Variants in PALS2 observed in about 807,000 individuals in gnomAD.
PALS2 encodes the protein protein associated with LIN7 2, MAGUK p55 family member.
PALS2 carries 27 observed loss-of-function variants against 61.6 expected under a neutral mutation model. That is an observed-to-expected ratio of 0.44 (90% CI 0.32 to 0.60). The LOEUF is 0.60. Among genes scored for constraint, PALS2 ranks in the 20% least tolerant of loss-of-function variants. The pLI, the probability that PALS2 is intolerant of heterozygous loss-of-function variation, is 0.05. For synonymous variants in PALS2, 236 were observed against 218.6 expected, an observed-to-expected ratio of 1.08 and a Z score of -0.70; for missense variants, 554 against 639.4, an observed-to-expected ratio of 0.87 and a Z score of 1.44.
At chr7:24,677,542 T>C (rs972670997) in intron 9 of PALS2, among the ~76,000 whole-genome samples, 3 of 152,096 alleles carry the variant, frequency 2.0e-5, no homozygotes, top group Non-Finnish European at 4.4e-5. Context: ...TTGAGATACG[T>C]CCCATCAATA....
intron 1 of PALS2, among the ~76,000 whole-genome samples, chr7:24,601,573 T>C (rs1783720919): frequency 6.6e-6 from 1 of 152,160 alleles, no homozygotes. Flanking sequence ...ATTCTCTGTC[T>C]CCCTCTTTAT....
chr7:24,577,858 A>G (rs1164878965), intron 1 of PALS2, among the ~76,000 whole-genome samples: 1 of 152,172 alleles, frequency 6.6e-6, no homozygotes, highest in Non-Finnish European at 1.5e-5. Flanking sequence ...ATTTATCAGT[A>G]TCTGAAATTA....
intron 1 of PALS2, among the ~76,000 whole-genome samples, chr7:24,583,348 A>G (rs1341324091): frequency 6.6e-6 from 1 of 152,194 alleles, no homozygotes; most frequent in Non-Finnish European, 1.5e-5. Flanking sequence ...TCACCAACCA[A>G]TCCTTAGCAT....
chr7:24,640,812 T>C (rs967568419), intron 2 of PALS2, among the ~76,000 whole-genome samples: 1 of 151,798 alleles, frequency 6.6e-6, no homozygotes, highest in Non-Finnish European at 1.5e-5. Context: ...ATCAAGACCA[T>C]CCTGGCTAAC....
chr7:24,665,529 A>G, intron 6 of PALS2, 59 bp from the exon 7 acceptor site: 2 of 1,490,878 alleles, frequency 1.3e-6, no homozygotes, highest in Non-Finnish European at 1.9e-6. Context: ...GTCTTACTTA[A>G]TAGAATATGG....
At chr7:24,614,967 TAAAACTA>T (rs1315834786) in intron 1 of PALS2, among the ~76,000 whole-genome samples, 14 of 151,676 alleles carry the variant, frequency 9.2e-5, no homozygotes, top group Non-Finnish European at 1.8e-4. Flanking sequence ...CACAATGAAA[TAAAACTA>T]GAAACCAGTA....
intron 10 of PALS2, among the ~76,000 whole-genome samples, chr7:24,679,867 C>A (rs958764601): frequency 6.6e-6 from 1 of 152,054 alleles, no homozygotes; most frequent in Non-Finnish European, 1.5e-5. Context: ...GCCTTAAATA[C>A]AAATATATAT....
At chr7:24,591,238 C>T (rs1444779992) in intron 1 of PALS2, among the ~76,000 whole-genome samples, 1 of 151,984 alleles carries the variant, frequency 6.6e-6, no homozygotes, top group Non-Finnish European at 1.5e-5. Context: ...AATGTAAATA[C>T]CTTTCCATTT....
chr7:24,650,419 T>C (rs756520319), intron 4 of PALS2, 66 bp from the exon 5 acceptor site: 300 of 1,261,116 alleles, frequency 2.4e-4, no homozygotes, highest in African/African-American at 6.8e-4. Flanking sequence ...TTCTTACATA[T>C]GCTCATGAAT....
chr7:24,623,683 G>C lies in PALS2; in HGVS notation c.16G>C (p.Glu6Gln). 1.3e-6 allele frequency: 2 copies of C among 1,587,766 alleles called. No homozygotes were observed. The highest frequency in any genetic ancestry group is 1.7e-6 in the Non-Finnish European group (2 of 1,170,304). ...CTCAGCAGCAATGCAGCAAGTCTTG[G>C]AAAACCTTACGGAGCTGCCCTCGTC... MQQVL[E>Q]NLTELPSSTG... The change falls in exon 2 of 12, where the codon GAA (glutamate) becomes CAA (glutamine). Residue 6 changes from glutamate to glutamine, a missense_variant. Physicochemically the swap from Glu to Gln is conservative, Grantham distance 29. Coordinates refer to ENST00000222644, the MANE Select transcript of PALS2 (RefSeq NM_001303037.2).
intron 7 of PALS2, 58 bp downstream of exon 7, chr7:24,665,745 T>C: frequency 3.4e-6 from 5 of 1,469,582 alleles, no homozygotes; most frequent in Non-Finnish European, 4.7e-6. Flanking sequence ...TTTCTTTGTC[T>C]CTTTTGTCTA....
At chr7:24,676,502 G>A (rs969976559) in intron 9 of PALS2, among the ~76,000 whole-genome samples, 6 of 152,028 alleles carry the variant, frequency 3.9e-5, no homozygotes, top group African/African-American at 9.7e-5. Flanking sequence ...GGTTTTTATG[G>A]TTTTAGGTCT....
At chr7:24,684,148 G>A (rs1038867204) in intron 11 of PALS2, among the ~76,000 whole-genome samples, 1 of 151,692 alleles carries the variant, frequency 6.6e-6, no homozygotes, top group Non-Finnish European at 1.5e-5. Flanking sequence ...TCGCCAGGCT[G>A]GAGTGCAGTG....
Position 24,692,941 on chromosome 7 carries a change from A to G in PALS2, c.*5327A>G, listed in dbSNP as rs1322334710. The G allele has an allele frequency of 6.6e-6, 1 of 152,202 alleles. No homozygotes were observed. Among genetic ancestry groups the G allele is most frequent in the Non-Finnish European group, 1.5e-5 (1 of 68,014 alleles). The allele number at this position is 152,202 out of a possible 1,614,324, so 9.4% of individuals were successfully genotyped here. On this transcript the variant is annotated 3_prime_UTR_variant, in exon 12 of 12. Transcript: ENST00000222644. Reference sequence around the variant, plus strand: ...GTGAGGTCTTAGTTTGTGAACCTCAAAATCCAGATATTAATCCACTTTAGT... The same window carrying G: ...GTGAGGTCTTAGTTTGTGAACCTCAGAATCCAGATATTAATCCACTTTAGT...
chr7:24,640,768 G>C (rs1050514430), intron 2 of PALS2, among the ~76,000 whole-genome samples: 1 of 152,060 alleles, frequency 6.6e-6, no homozygotes, highest in South Asian at 2.1e-4. Context: ...CAGCACTTTG[G>C]GAGGCCGAGG....
At chr7:24,621,273 A>T (rs1275947957) in intron 1 of PALS2, among the ~76,000 whole-genome samples, 1 of 152,112 alleles carries the variant, frequency 6.6e-6, no homozygotes, top group Non-Finnish European at 1.5e-5. Flanking sequence ...ACCCCCATGG[A>T]TGAACCTGTC....
At chr7:24,652,948 A>G (rs1044961588) in intron 5 of PALS2, among the ~76,000 whole-genome samples, 2 of 152,224 alleles carry the variant, frequency 1.3e-5, no homozygotes, top group African/African-American at 4.8e-5. Context: ...AGAGTGAGTT[A>G]GAAGTAGCCA....
intron 6 of PALS2, 68 bp downstream of exon 6, chr7:24,663,789 G>C (rs1187333021): frequency 2.7e-6 from 4 of 1,473,642 alleles, no homozygotes; most frequent in Non-Finnish European, 3.7e-6. Flanking sequence ...ATCAATATCT[G>C]AATAGTCAGG....
chr7:24,619,286 C>T (rs1384330752), intron 1 of PALS2, among the ~76,000 whole-genome samples: 1 of 152,070 alleles, frequency 6.6e-6, no homozygotes, highest in East Asian at 1.9e-4. Context: ...TCTGGAGGCT[C>T]ATGCTTTTGT....
Sources: allele counts gnomAD v4.1 joint callset (sites outside exome capture counted in the v4.1 genomes callset), GRCh38; gene constraint gnomAD v4.1.1; transcripts MANE v1.5; gene names NCBI Gene and HGNC (gene_info 2026-07-23, HGNC 2026-07-21).